Variants in AUTS2 observed in about 807,000 individuals in gnomAD.
AUTS2 encodes the protein activator of transcription and developmental regulator AUTS2.
Under a neutral mutation model 112.4 loss-of-function variants are expected in AUTS2, and 17 were observed. The ratio of observed to expected loss-of-function variants is 0.15; its 90% CI spans 0.10 to 0.23. The LOEUF is 0.23. AUTS2 is among the 10% of genes least tolerant of loss of function. The probability of loss-of-function intolerance (pLI) is 1.00; values close to 1 mark genes in which losing one functional copy is unlikely to be tolerated. For synonymous variants in AUTS2, 751 were observed against 702.7 expected, an observed-to-expected ratio of 1.07 and a Z score of -1.09; for missense variants, 1,510 against 1,701.6, an observed-to-expected ratio of 0.89 and a Z score of 1.98.
At chr7:69,762,968 C>T (rs138020827) in intron 1 of AUTS2, among the ~76,000 whole-genome samples, 2 of 152,112 alleles carry the variant, frequency 1.3e-5, no homozygotes, top group East Asian at 1.9e-4. Flanking sequence ...AGAGCCCATT[C>T]CACCATACAC....
intron 5 of AUTS2, among the ~76,000 whole-genome samples, chr7:70,438,050 G>A (rs1795969547): frequency 6.6e-6 from 1 of 152,008 alleles, no homozygotes; most frequent in South Asian, 2.1e-4. Flanking sequence ...CTTTGGGGCT[G>A]TCTTGAACCA....
At chr7:69,820,970 G>C (rs1790963987) in intron 1 of AUTS2, among the ~76,000 whole-genome samples, 1 of 152,128 alleles carries the variant, frequency 6.6e-6, no homozygotes, top group Admixed American at 6.5e-5. Flanking sequence ...AATTAATTGG[G>C]GCCAGGGCTC....
chr7:70,452,467 T>TA (rs1796575878), intron 5 of AUTS2, among the ~76,000 whole-genome samples: 1 of 152,122 alleles, frequency 6.6e-6, no homozygotes, highest in African/African-American at 2.4e-5. Context: ...TCAATAATAC[T>TA]ACTATTAATA....
intron 2 of AUTS2, among the ~76,000 whole-genome samples, chr7:70,071,226 T>C (rs1802752778): frequency 6.6e-6 from 1 of 152,210 alleles, no homozygotes; most frequent in African/African-American, 2.4e-5. Flanking sequence ...ATCATATGAA[T>C]GAGTAACTTA....
intron 5 of AUTS2, among the ~76,000 whole-genome samples, chr7:70,493,737 ACTTT>A (rs1798340888): frequency 6.6e-6 from 1 of 152,010 alleles, no homozygotes; most frequent in Non-Finnish European, 1.5e-5. Context: ...AGAAACCTTT[ACTTT>A]CTTGTGATTT....
In AUTS2 at chr7:70,102,083, T is replaced by A. The variant is rs1312063563; in HGVS notation, c.523-16049T>A. On this transcript the variant is annotated intron_variant, in intron 2 of 18. Coordinates refer to ENST00000342771, the MANE Select transcript of AUTS2 (RefSeq NM_015570.4). ...TTCATTGTCCAATAGCAAAGAAGTA[T>A]GAAGTAGATACCCCTTACTTTGCAG... Among the ~76,000 whole-genome samples, 5 of 152,100 alleles carry A rather than the reference T, an allele frequency of 3.3e-5. No individual in the cohort carries two copies. The East Asian group carries it at 7.7e-4, about 24-fold the overall frequency.
chr7:69,993,649 G>A lies in AUTS2; in HGVS notation c.522+94151G>A, dbSNP rs1408962042. 3.9e-5 allele frequency among the ~76,000 whole-genome samples: 6 copies of A among 151,996 alleles called. No individual in the cohort carries two copies. The South Asian group carries it at 8.3e-4, about 21-fold the overall frequency. On this transcript the variant is annotated intron_variant, in intron 2 of 18. Coordinates refer to ENST00000342771, the MANE Select transcript of AUTS2 (RefSeq NM_015570.4). ...CTTAGGAGGCTGAGGTAGGAGGATCGCTTGAGCCTGTGATGTACAGTCTAC... is the reference window on the plus strand; with the variant it reads ...CTTAGGAGGCTGAGGTAGGAGGATCACTTGAGCCTGTGATGTACAGTCTAC...
At chr7:70,405,704 A>G (rs528412212) in intron 4 of AUTS2, among the ~76,000 whole-genome samples, 8 of 152,258 alleles carry the variant, frequency 5.3e-5, no homozygotes, top group African/African-American at 1.2e-4. Flanking sequence ...AATAGACAGA[A>G]TGGACTAAAA....
rs571884577 is a variant in AUTS2, at chr7:69,646,902, C to T, written c.309+46940C>T. On this transcript the variant is annotated intron_variant, in intron 1 of 18. Coordinates refer to ENST00000342771, the MANE Select transcript of AUTS2 (RefSeq NM_015570.4). ...GAGATCGAGACCATCCTGGCTAACA[C>T]GGTGAAACCCCGTCTCTACTAAAAA... 1.4e-4 allele frequency among the ~76,000 whole-genome samples: 22 copies of T among 152,220 alleles called. No individual in the cohort carries two copies. In the South Asian group the frequency reaches 4.4e-3, roughly 30 times the overall value.
At chr7:69,902,946 AC>A (rs1795024305) in intron 2 of AUTS2, among the ~76,000 whole-genome samples, 1 of 152,186 alleles carries the variant, frequency 6.6e-6, no homozygotes, top group Non-Finnish European at 1.5e-5. Context: ...TACTTTTCTT[AC>A]TTCCCAAAGG....
intron 2 of AUTS2, among the ~76,000 whole-genome samples, chr7:69,919,981 G>A (rs979815731): frequency 3.4e-5 from 5 of 145,478 alleles, no homozygotes; most frequent in South Asian, 2.1e-4. Flanking sequence ...ATTGAAAAAC[G>A]TAAATGAAGT....
chr7:70,336,332 G>T (rs1310923142), intron 4 of AUTS2, among the ~76,000 whole-genome samples: 1 of 152,080 alleles, frequency 6.6e-6, no homozygotes, highest in East Asian at 1.9e-4. Context: ...ACCATTGCTA[G>T]CATTTCTCTC....
At position 69,876,544 on chromosome 7, in the gene AUTS2, A is replaced by T. The variant is rs543185162; in HGVS notation, c.310-22742A>T. On this transcript the variant is annotated intron_variant, in intron 1 of 18. Coordinates refer to ENST00000342771, the MANE Select transcript of AUTS2 (RefSeq NM_015570.4). Reference sequence around the variant, plus strand: ...TATATATATATATATATATATATATATTTTCAGTGTTCATATAACAAATTT... The same window carrying T: ...TATATATATATATATATATATATATTTTTTCAGTGTTCATATAACAAATTT... Among the ~76,000 whole-genome samples the T allele has an allele frequency of 2.1e-3, 167 of 81,264 alleles. 2 individuals are homozygous for T. The highest frequency in any genetic ancestry group is 0.02 in the South Asian group (42 of 2,146). 53.3% of individuals were successfully genotyped at this position (81,264 alleles called of 152,430 possible). A position where few individuals can be genotyped will look rare whatever the true frequency, so the allele number is the denominator to read the frequency against.
chr7:70,264,847 C>T (rs1787340801), intron 4 of AUTS2, among the ~76,000 whole-genome samples: 1 of 152,098 alleles, frequency 6.6e-6, no homozygotes, highest in Non-Finnish European at 1.5e-5. Context: ...GAAGAAAGAA[C>T]AGCAAAATTT....
intron 4 of AUTS2, among the ~76,000 whole-genome samples, chr7:70,262,809 C>T (rs529056308): frequency 1.3e-5 from 2 of 152,170 alleles, no homozygotes; most frequent in African/African-American, 4.8e-5. Context: ...TAAGTGGCCA[C>T]AGTAGAGTCA....
intron 2 of AUTS2, among the ~76,000 whole-genome samples, chr7:70,074,535 A>G (rs1170377673): frequency 1.3e-5 from 2 of 151,712 alleles, no homozygotes. Context: ...CTCCTTAAAA[A>G]CCCTGTTTAA....
At chr7:70,603,265 G>C (rs1007739259) in intron 5 of AUTS2, among the ~76,000 whole-genome samples, 3 of 152,062 alleles carry the variant, frequency 2.0e-5, no homozygotes, top group Admixed American at 2.0e-4. Flanking sequence ...TGATCTGCAA[G>C]TTTCTCAGGA....
intron 6 of AUTS2, among the ~76,000 whole-genome samples, chr7:70,718,714 C>T (rs1810508771): frequency 6.6e-6 from 1 of 152,146 alleles, no homozygotes; most frequent in Admixed American, 6.5e-5. Context: ...GAAATGCAAA[C>T]AACAGATCTA....
intron 1 of AUTS2, among the ~76,000 whole-genome samples, chr7:69,714,234 T>TGC: frequency 7.6e-6 from 1 of 131,340 alleles, no homozygotes; most frequent in African/African-American, 3.1e-5. Flanking sequence ...CAGCTAATTG[T>TGC]GCATGTGTGT....
Sources: allele counts gnomAD v4.1 joint callset (sites outside exome capture counted in the v4.1 genomes callset), GRCh38; gene constraint gnomAD v4.1.1; transcripts MANE v1.5; gene names NCBI Gene and HGNC (gene_info 2026-07-23, HGNC 2026-07-21).